PPCDC: variants seen among roughly 807,000 people sequenced by gnomAD.
PPCDC encodes phosphopantothenoylcysteine decarboxylase.
In PPCDC, 20 loss-of-function variants were observed where a neutral mutation model predicts 20.7. The observed-to-expected ratio is 0.97, with a 90% CI of 0.68 to 1.41. The LOEUF is 1.41. Among genes scored for constraint, PPCDC ranks in the 40% most tolerant of loss-of-function variants. The pLI is 0.00. For missense variants in PPCDC, 246 were observed against 263.8 expected (o/e 0.93, Z 0.47); for synonymous variants, 88 against 100.3 (o/e 0.88, Z 0.73).
chr15:75,038,655 C>G (rs1477461391), intron 2 of PPCDC, among the ~76,000 whole-genome samples: 1 of 152,188 alleles, frequency 6.6e-6, no homozygotes, highest in Non-Finnish European at 1.5e-5. Context: ...CTTCATGAAC[C>G]TAACAGTGGG....
intron 2 of PPCDC, among the ~76,000 whole-genome samples, chr15:75,031,360 A>G (rs569423234): frequency 4.9e-4 from 74 of 152,198 alleles, no homozygotes; most frequent in Non-Finnish European, 9.7e-4. Context: ...TGGCCCATGC[A>G]GGGGAGCAAA....
chr15:75,047,738 GC>G (rs1280502770), intron 4 of PPCDC, among the ~76,000 whole-genome samples: 1 of 152,244 alleles, frequency 6.6e-6, no homozygotes, highest in Non-Finnish European at 1.5e-5. Flanking sequence ...AGGAAGCCAG[GC>G]CCTGGCCTTC....
intron 2 of PPCDC, among the ~76,000 whole-genome samples, chr15:75,038,332 G>T (rs2066110421): frequency 6.6e-6 from 1 of 152,142 alleles, no homozygotes; most frequent in Non-Finnish European, 1.5e-5. Flanking sequence ...GTCTCTGGGG[G>T]CTACTGATGG....
chr15:75,026,729 T>G (rs1379966054), intron 1 of PPCDC, among the ~76,000 whole-genome samples: 2 of 152,214 alleles, frequency 1.3e-5, no homozygotes, highest in Non-Finnish European at 2.9e-5. Flanking sequence ...ATGCTGATTC[T>G]TTTTTGAGTG....
chr15:75,039,526 G>A (rs2066127657), intron 2 of PPCDC, among the ~76,000 whole-genome samples: 1 of 152,198 alleles, frequency 6.6e-6, no homozygotes, highest in Admixed American at 6.5e-5. Context: ...AAGTCCTCCT[G>A]TATTCAGCTA....
chr15:75,047,099 C>G (rs927696545), intron 4 of PPCDC, among the ~76,000 whole-genome samples: 12 of 152,238 alleles, frequency 7.9e-5, no homozygotes, highest in African/African-American at 2.9e-4. Flanking sequence ...TGAGGCTTGT[C>G]TGAGAGGAGT....
At chr15:75,042,904 A>G (rs2066170445) in intron 2 of PPCDC, among the ~76,000 whole-genome samples, 1 of 152,172 alleles carries the variant, frequency 6.6e-6, no homozygotes, top group South Asian at 2.1e-4. Context: ...GCCCACGAGG[A>G]CTTGTTCCTA....
chr15:75,028,044 C>T, intron 1 of PPCDC: 1 of 428,300 alleles, frequency 2.3e-6, no homozygotes, highest in South Asian at 3.1e-5. Flanking sequence ...ACAGCCCTTC[C>T]CCACAGCACT....
At chr15:75,037,520 G>A (rs2066099877) in intron 2 of PPCDC, among the ~76,000 whole-genome samples, 1 of 152,232 alleles carries the variant, frequency 6.6e-6, no homozygotes, top group African/African-American at 2.4e-5. Context: ...GCAGAGGCAT[G>A]TGGATTGCCC....
rs542430739 is a variant in PPCDC, at chr15:75,049,363, C to T, written c.*128C>T. 1 of 861,690 alleles carries T rather than the reference C, an allele frequency of 1.2e-6. No homozygotes were observed. The highest frequency in any genetic ancestry group is 2.7e-5 in the East Asian group (1 of 37,530). 53.4% of individuals were successfully genotyped at this position (861,690 alleles called of 1,614,324 possible). On this transcript the variant is annotated 3_prime_UTR_variant, in exon 6 of 6. Transcript: ENST00000342932. ...AATGGGGGACCTGCTCTGAGCCTGC[C>T]CAGGGGCCAGGCCTGCTCCAGGTTA...
chr15:75,039,573 C>T (rs1447588799), intron 2 of PPCDC, among the ~76,000 whole-genome samples: 4 of 152,192 alleles, frequency 2.6e-5, no homozygotes, highest in Admixed American at 6.5e-5. Flanking sequence ...CTCACTGCCT[C>T]AAGTCCTAGG....
At position 75,049,394 on chromosome 15, in the gene PPCDC, G is replaced by T. The variant is rs138376177; in HGVS notation, c.*159G>T. ...GCCAGGCCTGCTCCAGGTTAAACTG[G>T]ACGGAAGGCCCAGGTCTCAGTTTCT... On this transcript the variant is annotated 3_prime_UTR_variant, in exon 6 of 6. Transcript: ENST00000342932. The T allele has an allele frequency of 1.5e-3, 1,014 of 667,854 alleles. 3 individuals carry two copies. The highest frequency in any genetic ancestry group is 1.9e-3 in the South Asian group (101 of 52,418). 41.4% of individuals were successfully genotyped at this position (667,854 alleles called of 1,614,324 possible).
chr15:75,026,062 A>G (rs751728468), intron 1 of PPCDC, among the ~76,000 whole-genome samples: 1 of 152,168 alleles, frequency 6.6e-6, no homozygotes, highest in African/African-American at 2.4e-5. Flanking sequence ...TGAAGTCACT[A>G]ATACAGATTC....
intron 4 of PPCDC, among the ~76,000 whole-genome samples, 168 bp from the exon 5 acceptor site, chr15:75,048,385 C>T (rs997260344): frequency 2.4e-4 from 36 of 152,144 alleles, no homozygotes; most frequent in Non-Finnish European, 4.1e-4. Flanking sequence ...TGGAGAGAGG[C>T]GAGGAGACAT....
rs767034196 is a variant in PPCDC at position 75,043,550 on chromosome 15, C to T, written c.231+14C>T. On this transcript the variant is annotated intron_variant, in intron 3 of 5. Transcript: ENST00000342932. ...GATGAATGGGAGGTCAGTGCTGGGG[C>T]CCCTGGGCTGAGTTCCATTGAGTTT... 125 of 1,590,496 alleles carry T rather than the reference C, an allele frequency of 7.9e-5. No homozygotes were observed. The highest frequency in any genetic ancestry group is 1.7e-4 in the Middle Eastern group (1 of 6,040).
At chr15:75,044,697 CCCTGG>C (rs2066206648) in intron 4 of PPCDC, 183 bp downstream of exon 4, 2 of 794,654 alleles carry the variant, frequency 2.5e-6, no homozygotes, top group Non-Finnish European at 3.8e-6. Flanking sequence ...ATGGGCACAG[CCCTGG>C]TCCTGATGGG....
At chr15:75,048,383 G>A (rs1467545576) in intron 4 of PPCDC, among the ~76,000 whole-genome samples, 170 bp from the exon 5 acceptor site, 1 of 152,208 alleles carries the variant, frequency 6.6e-6, no homozygotes, top group Non-Finnish European at 1.5e-5. Flanking sequence ...GGTGGAGAGA[G>A]GCGAGGAGAC....
intron 2 of PPCDC, among the ~76,000 whole-genome samples, chr15:75,028,871 C>T (rs943059709): frequency 2.0e-5 from 3 of 152,154 alleles, no homozygotes; most frequent in African/African-American, 4.8e-5. Flanking sequence ...TCTCCCTCCT[C>T]GTGAGACCTC....
At chr15:75,030,332 C>T (rs1025573153) in intron 2 of PPCDC, among the ~76,000 whole-genome samples, 2 of 152,230 alleles carry the variant, frequency 1.3e-5, no homozygotes, top group South Asian at 2.1e-4. Flanking sequence ...TTGAAGCACT[C>T]GGTTGTGTGT....
Sources: allele counts gnomAD v4.1 joint callset (sites outside exome capture counted in the v4.1 genomes callset), GRCh38; gene constraint gnomAD v4.1.1; transcripts MANE v1.5; gene names NCBI Gene and HGNC (gene_info 2026-07-23, HGNC 2026-07-21).